NEGR1: variants seen among roughly 807,000 people sequenced by gnomAD.
NEGR1 encodes the protein IgLON family member 4.
In NEGR1, 10 loss-of-function variants were observed where a neutral mutation model predicts 40.9. The observed-to-expected ratio is 0.24, with a 90% CI of 0.15 to 0.42. NEGR1 has a LOEUF of 0.42. Ranked by LOEUF, NEGR1 falls within the 10% of genes least tolerant of loss-of-function variation. NEGR1 has a pLI of 1.00. For synonymous variants in NEGR1, 185 were observed against 166.8 expected (o/e 1.11, Z -0.84); for missense variants, 352 against 438.9 (o/e 0.80, Z 1.77).
intron 3 of NEGR1, among the ~76,000 whole-genome samples, chr1:71,721,754 T>C (rs1044396769): frequency 5.3e-5 from 8 of 152,144 alleles, no homozygotes; most frequent in East Asian, 1.9e-4. Context: ...TGGAGAAACG[T>C]TGAAGTAAAA....
intron 1 of NEGR1, among the ~76,000 whole-genome samples, chr1:72,047,085 C>T (rs1647009681): frequency 6.6e-6 from 1 of 151,254 alleles, no homozygotes; most frequent in African/African-American, 2.4e-5. Flanking sequence ...GCATTCTTGT[C>T]TTCCTGGCTT....
intron 3 of NEGR1, among the ~76,000 whole-genome samples, chr1:71,752,569 C>T (rs1655605418): frequency 6.6e-6 from 1 of 152,116 alleles, no homozygotes; most frequent in Non-Finnish European, 1.5e-5. Flanking sequence ...TCCTCTTTTG[C>T]ATGAACCTAT....
intron 1 of NEGR1, among the ~76,000 whole-genome samples, chr1:71,954,826 T>C (rs953910915): frequency 3.9e-5 from 6 of 152,148 alleles, no homozygotes; most frequent in African/African-American, 1.2e-4. Flanking sequence ...TGCAGTCTTG[T>C]GGCTGTCAGC....
chr1:71,592,642 A>G, intron 6 of NEGR1, among the ~76,000 whole-genome samples, 175 bp downstream of exon 6: 1 of 152,192 alleles, frequency 6.6e-6, no homozygotes, highest in Non-Finnish European at 1.5e-5. Context: ...ATCCTTGGAC[A>G]ACTATATGAT....
At chr1:72,120,949 A>T (rs1649779433) in intron 1 of NEGR1, among the ~76,000 whole-genome samples, 1 of 152,074 alleles carries the variant, frequency 6.6e-6, no homozygotes, top group South Asian at 2.1e-4. Context: ...TGAAGGTGCC[A>T]ACACTCAGTA....
chr1:71,760,474 G>T (rs2101699247), intron 3 of NEGR1, among the ~76,000 whole-genome samples: 1 of 152,266 alleles, frequency 6.6e-6, no homozygotes, highest in Non-Finnish European at 1.5e-5. Flanking sequence ...AATTTTAACT[G>T]CATATATAAA....
chr1:71,854,145 C>A (rs1659691394), intron 2 of NEGR1, among the ~76,000 whole-genome samples: 1 of 152,094 alleles, frequency 6.6e-6, no homozygotes, highest in South Asian at 2.1e-4. Context: ...GTCAACCAGG[C>A]AAACCTATGT....
chr1:71,530,345 T>C (rs531718666), intron 6 of NEGR1, among the ~76,000 whole-genome samples: 1 of 151,458 alleles, frequency 6.6e-6, no homozygotes, highest in South Asian at 2.1e-4. Context: ...CCTGCCTTTA[T>C]GTTCTTTTGC....
intron 1 of NEGR1, among the ~76,000 whole-genome samples, chr1:72,010,775 T>C (rs1226993497): frequency 6.6e-6 from 1 of 152,158 alleles, no homozygotes; most frequent in Non-Finnish European, 1.5e-5. Context: ...TGTTTGCTGG[T>C]AGAAGCCTGG....
chr1:72,253,727 T>C (rs913065653), intron 1 of NEGR1, among the ~76,000 whole-genome samples: 3 of 152,188 alleles, frequency 2.0e-5, no homozygotes, highest in Non-Finnish European at 4.4e-5. Context: ...AATCCAATGA[T>C]GGATGCATTT....
At chr1:71,663,301 G>A (rs1392457937) in intron 4 of NEGR1, among the ~76,000 whole-genome samples, 3 of 151,890 alleles carry the variant, frequency 2.0e-5, no homozygotes, top group African/African-American at 7.3e-5. Flanking sequence ...ACTTGAAATA[G>A]CATATTATTG....
chr1:71,627,953 T>G (rs922778368), intron 4 of NEGR1, among the ~76,000 whole-genome samples: 28 of 152,006 alleles, frequency 1.8e-4, no homozygotes, highest in Non-Finnish European at 3.4e-4. Context: ...TGACAGCAAG[T>G]GCTACACAGA....
chr1:71,720,982 T>C (rs1462344156), intron 3 of NEGR1, among the ~76,000 whole-genome samples: 1 of 152,136 alleles, frequency 6.6e-6, no homozygotes, highest in African/African-American at 2.4e-5. Flanking sequence ...CTTTCAAATA[T>C]AACAGGTAGA....
chr1:72,025,095 G>A (rs1646794996), intron 1 of NEGR1, among the ~76,000 whole-genome samples: 1 of 152,010 alleles, frequency 6.6e-6, no homozygotes, highest in Admixed American at 6.5e-5. Flanking sequence ...AACCAAAGAA[G>A]TCTATTAAAC....
chr1:72,052,213 G>C (rs1647068393), intron 1 of NEGR1, among the ~76,000 whole-genome samples: 1 of 151,450 alleles, frequency 6.6e-6, no homozygotes, highest in African/African-American at 2.4e-5. Flanking sequence ...CGTCAGGGTT[G>C]ATAGTGACAA....
intron 2 of NEGR1, among the ~76,000 whole-genome samples, chr1:71,888,257 C>G (rs1344864054): frequency 6.6e-6 from 1 of 152,062 alleles, no homozygotes; most frequent in Non-Finnish European, 1.5e-5. Flanking sequence ...CAGCTCCCAG[C>G]GTGAGCGACG....
intron 1 of NEGR1, among the ~76,000 whole-genome samples, chr1:72,243,104 T>C (rs1311335520): frequency 6.6e-6 from 1 of 151,742 alleles, no homozygotes; most frequent in Non-Finnish European, 1.5e-5. Flanking sequence ...ATCTTTTTAA[T>C]TATGGTCTTC....
At chr1:71,443,736 G>A (rs1161782703) in intron 6 of NEGR1, among the ~76,000 whole-genome samples, 1 of 152,126 alleles carries the variant, frequency 6.6e-6, no homozygotes, top group Non-Finnish European at 1.5e-5. Flanking sequence ...AATGTTAACA[G>A]CTTTTTTATA....
At chr1:71,899,656 A>C (rs1490755155) in intron 2 of NEGR1, among the ~76,000 whole-genome samples, 3 of 152,180 alleles carry the variant, frequency 2.0e-5, no homozygotes, top group African/African-American at 7.2e-5. Flanking sequence ...AAATCATTTA[A>C]TTTGTACAAA....
Sources: allele counts gnomAD v4.1 joint callset (sites outside exome capture counted in the v4.1 genomes callset), GRCh38; gene constraint gnomAD v4.1.1; transcripts MANE v1.5; gene names NCBI Gene and HGNC (gene_info 2026-07-23, HGNC 2026-07-21).